CCDC38: variants seen among roughly 807,000 people sequenced by gnomAD.
The protein encoded by CCDC38 is coiled-coil domain containing 38.
Under a neutral mutation model 72.8 loss-of-function variants are expected in CCDC38, and 69 were observed. That is an observed-to-expected ratio of 0.95 (90% confidence interval 0.78 to 1.16). The LOEUF (loss-of-function observed/expected upper bound fraction) is 1.16, where lower values mean the gene tolerates loss of function less well. Ranked by LOEUF, CCDC38 falls within the 50% of genes most tolerant of loss-of-function variation. The pLI, the probability that CCDC38 is intolerant of heterozygous loss-of-function variation, is 0.00. For synonymous variants in CCDC38, 201 were observed against 213.2 expected (o/e 0.94, Z 0.50); for missense variants, 626 against 638.9 (o/e 0.98, Z 0.22).
intron 13 of CCDC38, 113 bp downstream of exon 13, chr12:95,878,098 A>G (rs1344344235): frequency 7.5e-6 from 9 of 1,206,178 alleles, no homozygotes; most frequent in Non-Finnish European, 1.0e-5. Flanking sequence ...TTCTGTCATC[A>G]ATCTAGGACT....
At chr12:95,887,146 T>C (rs906898168) in intron 10 of CCDC38, among the ~76,000 whole-genome samples, 3 of 151,980 alleles carry the variant, frequency 2.0e-5, no homozygotes, top group South Asian at 2.1e-4. Flanking sequence ...GACTGTGCCA[T>C]TGCACTCCAG....
chr12:95,913,825 T>C (rs902295207), intron 4 of CCDC38, among the ~76,000 whole-genome samples: 1 of 149,920 alleles, frequency 6.7e-6, no homozygotes, highest in Non-Finnish European at 1.5e-5. Context: ...AATTGGGAGG[T>C]AAAAGAAAGC....
chr12:95,884,715 A>T (rs1157784927), intron 10 of CCDC38, among the ~76,000 whole-genome samples: 1 of 152,224 alleles, frequency 6.6e-6, no homozygotes, highest in Non-Finnish European at 1.5e-5. Flanking sequence ...GCTTGCAGCC[A>T]CATCACTTCA....
chr12:95,906,360 C>A, intron 5 of CCDC38, 27 bp downstream of exon 5: 1 of 1,512,732 alleles, frequency 6.6e-7, no homozygotes, highest in Non-Finnish European at 9.2e-7. Flanking sequence ...TTCCACTTGG[C>A]TAGGGGAGAA....
intron 4 of CCDC38, among the ~76,000 whole-genome samples, chr12:95,915,662 A>G (rs1003972821): frequency 2.6e-5 from 4 of 152,242 alleles, no homozygotes; most frequent in Admixed American, 6.5e-5. Flanking sequence ...TTTTCACTCA[A>G]ATCAGCTCCT....
chr12:95,930,715 A>G (rs1339476401), intron 2 of CCDC38, among the ~76,000 whole-genome samples: 1 of 152,148 alleles, frequency 6.6e-6, no homozygotes, highest in African/African-American at 2.4e-5. Context: ...CATACCTGCA[A>G]TGTACATCAA....
intron 1 of CCDC38, among the ~76,000 whole-genome samples, chr12:95,940,857 C>T (rs372310711): frequency 6.8e-6 from 1 of 146,240 alleles, no homozygotes; most frequent in Non-Finnish European, 1.5e-5. Context: ...TCTGACTGCC[C>T]CTTTTGCGAA....
At chr12:95,872,644 A>C (rs2079594020) in intron 13 of CCDC38, among the ~76,000 whole-genome samples, 184 bp from the exon 14 acceptor site, 2 of 152,142 alleles carry the variant, frequency 1.3e-5, no homozygotes, top group Non-Finnish European at 1.5e-5. Context: ...GTGCAATCTC[A>C]TCTCACTGCA....
intron 5 of CCDC38, among the ~76,000 whole-genome samples, chr12:95,905,630 T>G (rs1324862097): frequency 2.0e-5 from 3 of 152,224 alleles, no homozygotes; most frequent in Admixed American, 2.0e-4. Flanking sequence ...TACATTGTTA[T>G]TTACTCATTA....
intron 2 of CCDC38, among the ~76,000 whole-genome samples, chr12:95,929,318 A>G (rs1318528262): frequency 1.3e-5 from 2 of 151,982 alleles, no homozygotes; most frequent in African/African-American, 4.8e-5. Context: ...GCCATCTGTC[A>G]CCCCTTTCTT....
intron 2 of CCDC38, among the ~76,000 whole-genome samples, chr12:95,922,394 A>T (rs1262266012): frequency 6.6e-6 from 1 of 152,200 alleles, no homozygotes. Context: ...CCACATGGGA[A>T]TTGCACTCAG....
chr12:95,869,640 A>G (rs147029033), intron 14 of CCDC38, 67 bp from the exon 15 acceptor site: 23 of 1,188,328 alleles, frequency 1.9e-5, no homozygotes, highest in African/African-American at 1.4e-4. Context: ...GTACATTACT[A>G]TTTGTTAATG....
rs1162580321 is a variant in CCDC38, at chr12:95,869,430, A to G, written c.1578+50T>C. 2.2e-6 allele frequency: 3 copies of G among 1,363,456 alleles called. No homozygotes were observed. The African/African-American group carries it at 4.4e-5, about 20-fold the overall frequency. 84.5% of individuals were successfully genotyped at this position (1,363,456 alleles called of 1,614,324 possible). A position where few individuals can be genotyped will look rare whatever the true frequency, so the allele number is the denominator to read the frequency against. ...GACGAATAAAGTATTTTGTTTTTGT[A>G]TTTTGTATCACATATTGATATGGCT... is the stretch of plus-strand genomic sequence containing the variant. On this transcript the variant is annotated intron_variant, in intron 15 of 15. Transcript: ENST00000344280.
chr12:95,906,788 A>G (rs1345582867), intron 4 of CCDC38, among the ~76,000 whole-genome samples: 7 of 139,390 alleles, frequency 5.0e-5, no homozygotes, highest in Non-Finnish European at 7.6e-5. Context: ...TTTTTTTCCA[A>G]TCAAGATTTC....
intron 2 of CCDC38, chr12:95,919,318 T>C (rs2080178575): frequency 2.8e-6 from 1 of 359,270 alleles, no homozygotes; most frequent in Admixed American, 3.8e-5. Flanking sequence ...TTTGCCTTAT[T>C]TGAACACAGT....
Position 95,921,717 on chromosome 12 carries a change from C to T in CCDC38, c.38-2741G>A, listed in dbSNP as rs957836694. ...GAGCCAAACCATATAACCAAGAATA[C>T]TGGGAGCCTGGAGTTGACACCTTAA... On this transcript the variant is annotated intron_variant, in intron 2 of 15. Transcript: ENST00000344280. Among the ~76,000 whole-genome samples, 3 of 145,948 alleles carry T rather than the reference C, an allele frequency of 2.1e-5. No homozygotes were observed. The Admixed American group carries it at 2.1e-4, about 10-fold the overall frequency.
chr12:95,877,950 G>A (rs747328128), intron 13 of CCDC38, among the ~76,000 whole-genome samples: 2 of 152,154 alleles, frequency 1.3e-5, no homozygotes, highest in Non-Finnish European at 2.9e-5. Context: ...AATGTATTTC[G>A]AGGGGAAACT....
At chr12:95,935,224 C>T (rs1289499393) in intron 2 of CCDC38, 1 of 152,164 alleles carries the variant, frequency 6.6e-6, no homozygotes, top group Non-Finnish European at 1.5e-5. Flanking sequence ...GGTAGTGGAG[C>T]AGATACTACT....
chr12:95,881,655 C>T (rs970034928), intron 10 of CCDC38, 101 bp from the exon 11 acceptor site: 5 of 828,456 alleles, frequency 6.0e-6, no homozygotes, highest in Non-Finnish European at 9.6e-6. Context: ...CCAACTGTAA[C>T]ATAATTATTT....
Sources: allele counts gnomAD v4.1 joint callset (sites outside exome capture counted in the v4.1 genomes callset), GRCh38; gene constraint gnomAD v4.1.1; transcripts MANE v1.5; gene names NCBI Gene and HGNC (gene_info 2026-07-23, HGNC 2026-07-21).